ZNF865: variants seen among roughly 807,000 people sequenced by gnomAD.
The protein encoded by ZNF865 is zinc finger protein 865.
For synonymous variants in ZNF865, 763 were observed against 750.8 expected (o/e 1.02, Z -0.27); for missense variants, 1,311 against 1,593.4 (o/e 0.82, Z 3.02).
chr19:55,616,415 C>T lies in ZNF865; in HGVS notation c.2797C>T (p.Arg933Cys). Residue 933 changes from arginine to cysteine, a missense_variant, in exon 2 of 2, where the codon CGC becomes TGC. Transcript: ENST00000568956. ...GCTGCACGCTGTGGCCCGGCCCCAGCGCTGCAGCGCCTGTGGCAAGACCTT... is the reference window on the plus strand; with the variant it reads ...GCTGCACGCTGTGGCCCGGCCCCAGTGCTGCAGCGCCTGTGGCAAGACCTT... ...RRLHAVARPQRCSACGKTFRY... is the reference protein window; with the variant it reads ...RRLHAVARPQCCSACGKTFRY... The T allele has an allele frequency of 6.6e-7, 1 of 1,507,350 alleles. No individual in the cohort carries two copies. The highest frequency in any genetic ancestry group is 1.3e-5 in the South Asian group (1 of 79,906). The allele number at this position is 1,507,350 out of a possible 1,614,324, so 93.4% of individuals were successfully genotyped here.
chr19:55,616,046 C>T lies in ZNF865; in HGVS notation c.2428C>T (p.His810Tyr). The T allele has an allele frequency of 6.6e-7, 1 of 1,524,164 alleles. No individual in the cohort carries two copies. The highest frequency in any genetic ancestry group is 8.8e-7 in the Non-Finnish European group (1 of 1,141,372). 94.4% of individuals were successfully genotyped at this position (1,524,164 alleles called of 1,614,324 possible). ...CAAGCACTTCCTGGGCCTCGTGACT[C>T]ACAAGTACGTGCACCTGGTGCGACG... Reference protein sequence around the residue: ...SFKHFLGLVTHKYVHLVRRTL... With the variant: ...SFKHFLGLVTYKYVHLVRRTL... Residue 810 changes from histidine (H) to tyrosine (Y), a missense_variant, in exon 2 of 2, where the codon CAC (histidine) becomes TAC (tyrosine). Transcript: ENST00000568956.
Position 55,615,324 on chromosome 19 carries a change from A to G in ZNF865, c.1706A>G (p.Glu569Gly), listed in dbSNP as rs1263301230. 137 of 1,524,838 alleles carry G rather than the reference A, an allele frequency of 9.0e-5. No individual in the cohort carries two copies. Among genetic ancestry groups the G allele is most frequent in the Non-Finnish European group, 1.2e-4 (132 of 1,142,738 alleles). 94.5% of individuals were successfully genotyped at this position (1,524,838 alleles called of 1,614,324 possible). A position where few individuals can be genotyped will look rare whatever the true frequency, so the allele number is the denominator to read the frequency against. ...CGCCGCGAGACCCTGAAGCGCCATG[A>G]GCGCATCCACACGGGCGAGAAGCCC... ...FGRRETLKRH[E>G]RIHTGEKPHQ... Residue 569 changes from glutamate (E) to glycine (G), a missense_variant, in exon 2 of 2, where the codon GAG (glutamate) becomes GGG (glycine). Physicochemically the swap from Glu to Gly is moderately conservative, Grantham distance 98 (BLOSUM62 -2). Transcript: ENST00000568956.
intron 1 of ZNF865, among the ~76,000 whole-genome samples, chr19:55,609,492 C>T (rs1373514405): frequency 6.6e-6 from 1 of 152,206 alleles, no homozygotes; most frequent in Non-Finnish European, 1.5e-5. Context: ...GTTATATGCG[C>T]ACGTTACTCT....
Position 55,614,646 on chromosome 19 carries a change from C to G in ZNF865, c.1028C>G (p.Thr343Ser). ...GGTGTTGGGGTGCCCCCTCCTGCCA[C>G]CGGGGGTGGCGATGGCCCGTTCGCC... ...PAGVGVPPPA[T>S]GGGDGPFACP... Residue 343 changes from threonine to serine, a missense_variant, in exon 2 of 2, where the codon ACC becomes AGC. Physicochemically the swap from Thr to Ser is moderately conservative, Grantham distance 58 (BLOSUM62 1). Coordinates refer to ENST00000568956, the MANE Select transcript of ZNF865 (RefSeq NM_001195605.2). This position sits in a 1 kb window ranked among gnomAD's most constrained non-coding sequence, Gnocchi z 8.0. The G allele has an allele frequency of 6.5e-7, 1 of 1,536,314 alleles. No homozygotes were observed. Among genetic ancestry groups the G allele is most frequent in the Non-Finnish European group, 8.7e-7 (1 of 1,148,094 alleles).
intron 1 of ZNF865, among the ~76,000 whole-genome samples, chr19:55,607,424 A>C (rs1183549760): frequency 6.9e-6 from 1 of 145,042 alleles, no homozygotes; most frequent in Non-Finnish European, 1.5e-5. Context: ...ACATAGTGAG[A>C]CCCTGTCTTT....
Position 55,615,506 on chromosome 19 carries a change from C to A in ZNF865, c.1888C>A (p.Leu630Ile). 5 of 1,510,480 alleles carry A rather than the reference C, an allele frequency of 3.3e-6. No homozygotes were observed. Among genetic ancestry groups the A allele is most frequent in the Non-Finnish European group, 4.4e-6 (5 of 1,134,904 alleles). 93.6% of individuals were successfully genotyped at this position (1,510,480 alleles called of 1,614,324 possible). Reference protein sequence around the residue: ...SLTRHRQVHRLQLPCALAGAA... With the variant: ...SLTRHRQVHRIQLPCALAGAA... ...CACCCGCCACCGCCAGGTGCACCGGCTCCAGCTGCCCTGCGCCCTGGCCGG... is the reference window on the plus strand; with the variant it reads ...CACCCGCCACCGCCAGGTGCACCGGATCCAGCTGCCCTGCGCCCTGGCCGG... The change falls in exon 2 of 2, where the codon CTC becomes ATC. Residue 630 changes from leucine (L) to isoleucine (I), a missense_variant. Physicochemically the swap from Leu to Ile is conservative, Grantham distance 5. Coordinates refer to ENST00000568956, the MANE Select transcript of ZNF865 (RefSeq NM_001195605.2).
chr19:55,615,512 C>T lies in ZNF865; in HGVS notation c.1894C>T (p.Leu632=). 6.6e-7 allele frequency: 1 copy of T among 1,506,494 alleles called. No homozygotes were observed. The highest frequency in any genetic ancestry group is 8.8e-7 in the Non-Finnish European group (1 of 1,133,344). The allele number at this position is 1,506,494 out of a possible 1,614,324, so 93.3% of individuals were successfully genotyped here. A position where few individuals can be genotyped will look rare whatever the true frequency, so the allele number is the denominator to read the frequency against. The change falls in exon 2 of 2, where the codon CTG becomes TTG. Residue 632 remains leucine (L), a synonymous_variant. Transcript: ENST00000568956. ...TRHRQVHRLQ[L]PCALAGAAGL... ...CCACCGCCAGGTGCACCGGCTCCAG[C>T]TGCCCTGCGCCCTGGCCGGGGCAGC... is the stretch of plus-strand genomic sequence containing the variant.
rs1568526401 is a variant in ZNF865, at chr19:55,614,635, C to G, written c.1017C>G (p.Pro339=). 5 of 1,532,714 alleles carry G rather than the reference C, an allele frequency of 3.3e-6. No individual in the cohort carries two copies. Among genetic ancestry groups the G allele is most frequent in the Non-Finnish European group, 4.4e-6 (5 of 1,145,892 alleles). 94.9% of individuals were successfully genotyped at this position (1,532,714 alleles called of 1,614,324 possible). A position where few individuals can be genotyped will look rare whatever the true frequency, so the allele number is the denominator to read the frequency against. ...GSAAPAGVGV[P]PPATGGGDGP... is the part of the protein sequence containing the mutation. ...CCGCCCCTGCTGGTGTTGGGGTGCC[C>G]CCTCCTGCCACCGGGGGTGGCGATG... The change falls in exon 2 of 2, where the codon CCC becomes CCG. Residue 339 remains proline (P), a synonymous_variant. Coordinates refer to ENST00000568956, the MANE Select transcript of ZNF865 (RefSeq NM_001195605.2). The surrounding 1 kb of genome is among the most constrained non-coding windows in gnomAD (Gnocchi z 8.0).
In ZNF865 at chr19:55,615,057, C is replaced by T. The variant is rs1389340764; in HGVS notation, c.1439C>T (p.Ala480Val). Reference protein sequence around the residue: ...AEAPKDGAASAPQPPPTFPPG... With the variant: ...AEAPKDGAASVPQPPPTFPPG... ...GCGCCCAAGGACGGGGCGGCCTCGGCCCCGCAGCCCCCGCCCACCTTCCCC... is the reference window on the plus strand; with the variant it reads ...GCGCCCAAGGACGGGGCGGCCTCGGTCCCGCAGCCCCCGCCCACCTTCCCC... Residue 480 changes from alanine to valine, a missense_variant, in exon 2 of 2, where the codon GCC (alanine) becomes GTC (valine). Transcript: ENST00000568956. The T allele has an allele frequency of 8.1e-7, 1 of 1,229,952 alleles. No individual in the cohort carries two copies. The allele number at this position is 1,229,952 out of a possible 1,614,324, so 76.2% of individuals were successfully genotyped here.
Position 55,615,054 on chromosome 19 carries a change from C to A in ZNF865, c.1436C>A (p.Ser479Ter). The change falls in exon 2 of 2, where the codon TCG becomes TAG. Residue 479 changes from serine to a stop codon, truncating the protein, a stop_gained. Coordinates refer to ENST00000568956, the MANE Select transcript of ZNF865 (RefSeq NM_001195605.2). LOFTEE classifies it low-confidence loss of function (END_TRUNC). ...AAEAPKDGAA[S>*]APQPPPTFPP... The stretch of plus-strand genomic sequence containing the variant: ...GAGGCGCCCAAGGACGGGGCGGCCT[C>A]GGCCCCGCAGCCCCCGCCCACCTTC... 8.0e-7 allele frequency: 1 copy of A among 1,243,192 alleles called. No individual in the cohort carries two copies. The highest frequency in any genetic ancestry group is 1.0e-6 in the Non-Finnish European group (1 of 991,444). The allele number at this position is 1,243,192 out of a possible 1,614,324, so 77.0% of individuals were successfully genotyped here. A position where few individuals can be genotyped will look rare whatever the true frequency, so the allele number is the denominator to read the frequency against.
In ZNF865 at chr19:55,614,309, A is replaced by T; in HGVS notation, c.691A>T (p.Lys231Ter). Reference sequence around the variant, plus strand: ...GCGCTTCCCCTGCGGCGTGTGCCAGAAGTCCTTCAAGCAGTCCTCGCACCT... The same window carrying T: ...GCGCTTCCCCTGCGGCGTGTGCCAGTAGTCCTTCAAGCAGTCCTCGCACCT... ...ERRFPCGVCQ[K>*]SFKQSSHLVQ... The change falls in exon 2 of 2, where the codon AAG becomes TAG. Residue 231 changes from lysine (K) to a stop codon, truncating the protein, a stop_gained. Coordinates refer to ENST00000568956, the MANE Select transcript of ZNF865 (RefSeq NM_001195605.2). LOFTEE classifies it low-confidence loss of function (END_TRUNC). This position sits in a 1 kb window ranked among gnomAD's most constrained non-coding sequence, Gnocchi z 8.0. The T allele has an allele frequency of 6.6e-7, 1 of 1,507,882 alleles. No individual in the cohort carries two copies. The allele number at this position is 1,507,882 out of a possible 1,614,324, so 93.4% of individuals were successfully genotyped here. A position where few individuals can be genotyped will look rare whatever the true frequency, so the allele number is the denominator to read the frequency against.
chr19:55,616,880 C>T lies in ZNF865; in HGVS notation c.*82C>T. On this transcript the variant is annotated 3_prime_UTR_variant, in exon 2 of 2. Transcript: ENST00000568956. ...AGGACTGATCAGACTCTTCCCCCCT[C>T]CTCGCTGTTGCCCCATCCTTCAGAA... 2 of 1,352,034 alleles carry T rather than the reference C, an allele frequency of 1.5e-6. No individual in the cohort carries two copies. The highest frequency in any genetic ancestry group is 1.9e-6 in the Non-Finnish European group (2 of 1,040,544). 83.8% of individuals were successfully genotyped at this position (1,352,034 alleles called of 1,614,324 possible).
At position 55,614,460 on chromosome 19, in the gene ZNF865, C is replaced by T. The variant is rs1568526275; in HGVS notation, c.842C>T (p.Ala281Val). Reference sequence around the variant, plus strand: ...TGCCACAAGGACGTGCCACCGGCCGCGGGGGGCCCGCCCCAGCCCGGCCCC... The same window carrying T: ...TGCCACAAGGACGTGCCACCGGCCGTGGGGGGCCCGCCCCAGCCCGGCCCC... Reference protein sequence around the residue: ...RRCHKDVPPAAGGPPQPGPHL... With the variant: ...RRCHKDVPPAVGGPPQPGPHL... The change falls in exon 2 of 2, where the codon GCG becomes GTG. Residue 281 changes from alanine (A) to valine (V), a missense_variant. Transcript: ENST00000568956. This position sits in a 1 kb window ranked among gnomAD's most constrained non-coding sequence, Gnocchi z 8.0. 9 of 1,416,596 alleles carry T rather than the reference C, an allele frequency of 6.4e-6. No individual in the cohort carries two copies. The highest frequency in any genetic ancestry group is 6.0e-5 in the African/African-American group (4 of 67,062). 87.8% of individuals were successfully genotyped at this position (1,416,596 alleles called of 1,614,324 possible).
At position 55,615,027 on chromosome 19, in the gene ZNF865, C is replaced by G; in HGVS notation, c.1409C>G (p.Ala470Gly). Residue 470 changes from alanine to glycine, a missense_variant, in exon 2 of 2, where the codon GCG becomes GGG. By Grantham distance (60) the Ala-to-Gly change is moderately conservative. Coordinates refer to ENST00000568956, the MANE Select transcript of ZNF865 (RefSeq NM_001195605.2). ...KAAHAPPAAA[A>G]EAPKDGAASA... ...GCCCACGCCCCGCCCGCTGCCGCTGCGGAGGCGCCCAAGGACGGGGCGGCC... is the reference window on the plus strand; with the variant it reads ...GCCCACGCCCCGCCCGCTGCCGCTGGGGAGGCGCCCAAGGACGGGGCGGCC... 3 of 1,316,676 alleles carry G rather than the reference C, an allele frequency of 2.3e-6. No homozygotes were observed. The highest frequency in any genetic ancestry group is 2.9e-6 in the Non-Finnish European group (3 of 1,037,116). 81.6% of individuals were successfully genotyped at this position (1,316,676 alleles called of 1,614,324 possible).
rs1981258283 is a variant in ZNF865, at chr19:55,614,326, C to T, written c.708C>T (p.Ser236=). 6.7e-7 allele frequency: 1 copy of T among 1,501,838 alleles called. No homozygotes were observed. Among genetic ancestry groups the T allele is most frequent in the Non-Finnish European group, 8.8e-7 (1 of 1,130,582 alleles). 93.0% of individuals were successfully genotyped at this position (1,501,838 alleles called of 1,614,324 possible). A position where few individuals can be genotyped will look rare whatever the true frequency, so the allele number is the denominator to read the frequency against. ...CGVCQKSFKQ[S]SHLVQHMLVH... ...TGTGCCAGAAGTCCTTCAAGCAGTCCTCGCACCTGGTCCAGCACATGCTGG... is the reference window on the plus strand; with the variant it reads ...TGTGCCAGAAGTCCTTCAAGCAGTCTTCGCACCTGGTCCAGCACATGCTGG... Residue 236 remains serine (S), a synonymous_variant, in exon 2 of 2, where the codon TCC becomes TCT. Coordinates refer to ENST00000568956, the MANE Select transcript of ZNF865 (RefSeq NM_001195605.2). This position sits in a 1 kb window ranked among gnomAD's most constrained non-coding sequence, Gnocchi z 8.0.
At chr19:55,608,279 A>G (rs1397664803) in intron 1 of ZNF865, among the ~76,000 whole-genome samples, 1 of 149,978 alleles carries the variant, frequency 6.7e-6, no homozygotes, top group Non-Finnish European at 1.5e-5. Flanking sequence ...AAGAGCAGCC[A>G]GGAGACTGTG....
intron 1 of ZNF865, chr19:55,612,378 A>G (rs1016963847): frequency 6.6e-6 from 1 of 152,020 alleles, no homozygotes; most frequent in Non-Finnish European, 1.5e-5. Context: ...TCTCCTTTCT[A>G]CTGTCTATTA....
chr19:55,615,191 G>T lies in ZNF865; in HGVS notation c.1573G>T (p.Ala525Ser). The T allele has an allele frequency of 1.5e-5, 21 of 1,405,424 alleles. No homozygotes were observed. The highest frequency in any genetic ancestry group is 1.8e-5 in the Non-Finnish European group (20 of 1,091,488). The allele number at this position is 1,405,424 out of a possible 1,614,324, so 87.1% of individuals were successfully genotyped here. ...CGCTGTGCCCGTCCCGCTCCTGGGCGCCCACCCGCTGCTGCTCGGCGGCGC... is the reference window on the plus strand; with the variant it reads ...CGCTGTGCCCGTCCCGCTCCTGGGCTCCCACCCGCTGCTGCTCGGCGGCGC... The part of the protein sequence containing the change: ...YGAVPVPLLG[A>S]HPLLLGGAGT... Residue 525 changes from alanine (A) to serine (S), a missense_variant, in exon 2 of 2, where the codon GCC (alanine) becomes TCC (serine). By Grantham distance (99) the Ala-to-Ser change is moderately conservative (BLOSUM62 1). Transcript: ENST00000568956.
Position 55,616,767 on chromosome 19 carries a change from G to T in ZNF865, c.3149G>T (p.Gly1050Val). ...GAGAACCTCGGGGGGCCTGGAGCAG[G>T]GGCGGGCACCTTGGCCGGGAAGGAT... The part of the protein sequence containing the change: ...KAENLGGPGA[G>V]AGTLAGKDA Residue 1050 changes from glycine to valine, a missense_variant, in exon 2 of 2, where the codon GGG becomes GTG. Physicochemically the swap from Gly to Val is moderately radical, Grantham distance 109. Transcript: ENST00000568956. The T allele has an allele frequency of 6.9e-7, 1 of 1,452,758 alleles. No homozygotes were observed. The highest frequency in any genetic ancestry group is 1.4e-5 in the South Asian group (1 of 70,598). 90.0% of individuals were successfully genotyped at this position (1,452,758 alleles called of 1,614,324 possible).
Sources: allele counts gnomAD v4.1 joint callset (sites outside exome capture counted in the v4.1 genomes callset), GRCh38; gene constraint gnomAD v4.1.1; non-coding constraint Gnocchi (gnomAD v3.1); transcripts MANE v1.5; gene names NCBI Gene and HGNC (gene_info 2026-07-23, HGNC 2026-07-21).